Variants in PCDHB7 observed in about 807,000 individuals in gnomAD.
PCDHB7 encodes protocadherin beta 7.
For synonymous variants in PCDHB7, 542 were observed against 463.1 expected (o/e 1.17, Z -2.19); for missense variants, 1,148 against 1,011.6 (o/e 1.13, Z -1.83).
In PCDHB7 at chr5:141,173,684, C is replaced by A. The variant is rs1753278197; in HGVS notation, c.849C>A (p.Tyr283Ter). The A allele has an allele frequency of 6.2e-7, 1 of 1,614,104 alleles. No individual in the cohort carries two copies. The highest frequency in any genetic ancestry group is 8.5e-7 in the Non-Finnish European group (1 of 1,180,000). The change falls in exon 1 of 1, where the codon TAC becomes TAA. Residue 283 changes from tyrosine to a stop codon, truncating the protein, a stop_gained. Transcript: ENST00000231137. LOFTEE classifies it low-confidence loss of function (END_TRUNC). Reference protein sequence around the residue: ...SNGEIAYAFSYATERILKTFQ... With the variant: ...SNGEIAYAFS Reference sequence around the variant, plus strand: ...GGGAAATAGCCTATGCATTTTCTTACGCCACTGAAAGAATTCTCAAAACGT... The same window carrying A: ...GGGAAATAGCCTATGCATTTTCTTAAGCCACTGAAAGAATTCTCAAAACGT...
chr5:141,173,123 T>C lies in PCDHB7; in HGVS notation c.288T>C (p.Cys96=). ...AGAAATTGGACCGAGAGGAACTGTG[T>C]GGCCCCAGAGAGCCCTGTGTGCTGC... The part of the protein sequence containing the change: ...LNEKLDREEL[C]GPREPCVLPF... Residue 96 remains cysteine (C), a synonymous_variant, in exon 1 of 1, where the codon TGT becomes TGC. Coordinates refer to ENST00000231137, the MANE Select transcript of PCDHB7 (RefSeq NM_018940.4). 1 of 1,614,234 alleles carries C rather than the reference T, an allele frequency of 6.2e-7. No individual in the cohort carries two copies. The highest frequency in any genetic ancestry group is 1.7e-5 in the Admixed American group (1 of 60,018).
At position 141,175,033 on chromosome 5, in the gene PCDHB7, A is replaced by G; in HGVS notation, c.2198A>G (p.His733Arg). The change falls in exon 1 of 1, where the codon CAT (histidine) becomes CGT (arginine). Residue 733 changes from histidine to arginine, a missense_variant. By Grantham distance (29) the His-to-Arg change is conservative. Coordinates refer to ENST00000231137, the MANE Select transcript of PCDHB7 (RefSeq NM_018940.4). ...GTGCCTGAGGGCCCCTTTCCACGAC[A>G]TCTGGTGGACTTGAGCGGCACCGGG... ...CSVPEGPFPR[H>R]LVDLSGTGTL... 5.6e-6 allele frequency: 9 copies of G among 1,614,036 alleles called. No homozygotes were observed. The highest frequency in any genetic ancestry group is 7.6e-6 in the Non-Finnish European group (9 of 1,179,954).
chr5:141,173,537 C>T lies in PCDHB7; in HGVS notation c.702C>T (p.Asp234=), dbSNP rs1554280021. Residue 234 remains aspartate (D), a synonymous_variant, in exon 1 of 1, where the codon GAC becomes GAT. Transcript: ENST00000231137. ...GTALVRILVL[D]VNDNAPDFVR... ...CCCTCGTGCGCATTCTGGTTCTAGA[C>T]GTAAATGACAACGCCCCTGATTTTG... 3.1e-6 allele frequency: 5 copies of T among 1,613,592 alleles called. No individual in the cohort carries two copies. The highest frequency in any genetic ancestry group is 4.2e-6 in the Non-Finnish European group (5 of 1,179,726).
Position 141,174,002 on chromosome 5 carries a change from C to A in PCDHB7, c.1167C>A (p.Val389=). ...GKTVCSIQDD[V]PFILKPSVEN... ...CAGTGTGCTCCATCCAGGACGATGT[C>A]CCCTTCATCCTGAAGCCATCTGTCG... is the stretch of plus-strand genomic sequence containing the variant. Residue 389 remains valine, a synonymous_variant, in exon 1 of 1, where the codon GTC becomes GTA. Coordinates refer to ENST00000231137, the MANE Select transcript of PCDHB7 (RefSeq NM_018940.4). 1 of 1,614,116 alleles carries A rather than the reference C, an allele frequency of 6.2e-7. No individual in the cohort carries two copies.
chr5:141,174,369 C>T lies in PCDHB7; in HGVS notation c.1534C>T (p.His512Tyr). 1.2e-6 allele frequency: 2 copies of T among 1,612,784 alleles called. No individual in the cohort carries two copies. The highest frequency in any genetic ancestry group is 1.7e-5 in the Admixed American group (1 of 59,910). ...GGTCTCCATCAACGCGGACAACGGCCACCTGTTTGCCCTCAGGTCCCTGGA... is the reference window on the plus strand; with the variant it reads ...GGTCTCCATCAACGCGGACAACGGCTACCTGTTTGCCCTCAGGTCCCTGGA... ...SLVSINADNG[H>Y]LFALRSLDYE... Residue 512 changes from histidine to tyrosine, a missense_variant, in exon 1 of 1, where the codon CAC becomes TAC. Transcript: ENST00000231137.
rs782219371 is a variant in PCDHB7 at position 141,174,026 on chromosome 5, C to T, written c.1191C>T (p.Val397=). ...TCCCCTTCATCCTGAAGCCATCTGT[C>T]GAAAACTTCTATACTCTGGTAACAG... ...DDVPFILKPS[V]ENFYTLVTEK... is the part of the protein sequence containing the mutation. Residue 397 remains valine, a synonymous_variant, in exon 1 of 1, where the codon GTC becomes GTT. Transcript: ENST00000231137. 3.1e-6 allele frequency: 5 copies of T among 1,614,142 alleles called. No individual in the cohort carries two copies. Among genetic ancestry groups the T allele is most frequent in the South Asian group, 1.1e-5 (1 of 91,080 alleles).
Position 141,172,925 on chromosome 5 carries a change from G to C in PCDHB7, c.90G>C (p.Pro30=). The C allele has an allele frequency of 6.2e-7, 1 of 1,614,164 alleles. No homozygotes were observed. The change falls in exon 1 of 1, where the codon CCG becomes CCC. Residue 30 remains proline, a synonymous_variant. Coordinates refer to ENST00000231137, the MANE Select transcript of PCDHB7 (RefSeq NM_018940.4). ...FLGMSWAGAE[P]LRYFVAEETE... is the part of the protein sequence containing the mutation. ...GAATGTCTTGGGCTGGCGCCGAACC[G>C]CTTCGGTATTTTGTGGCGGAGGAAA...
rs77776247 is a variant in PCDHB7, at chr5:141,173,483, C to T, written c.648C>T (p.Asp216=). The change falls in exon 1 of 1, where the codon GAC becomes GAT. Residue 216 remains aspartate (D), a synonymous_variant. Transcript: ENST00000231137. ...TCAGTTTAACCCTCACCGCTTTAGA[C>T]GGCGGCTCTCCTCCAAGATCAGGGA... ...PEFSLTLTAL[D]GGSPPRSGTA... is the part of the protein sequence containing the mutation. 9.4e-4 allele frequency: 1,511 copies of T among 1,614,186 alleles called. 10 individuals carry two copies. The African/African-American group carries it at 0.017, about 18-fold the overall frequency.
At position 141,174,158 on chromosome 5, in the gene PCDHB7, C is replaced by T; in HGVS notation, c.1323C>T (p.Val441=). 1.2e-6 allele frequency: 2 copies of T among 1,613,904 alleles called. No individual in the cohort carries two copies. Among genetic ancestry groups the T allele is most frequent in the Non-Finnish European group, 8.5e-7 (1 of 1,180,040 alleles). The change falls in exon 1 of 1, where the codon GTC becomes GTT. Residue 441 remains valine, a synonymous_variant. Transcript: ENST00000231137. The part of the protein sequence containing the change: ...LKTEHNITVL[V]SDVNDNAPAF... The stretch of plus-strand genomic sequence containing the variant: ...CCGAGCACAACATAACCGTGCTGGT[C>T]TCCGACGTCAATGACAACGCTCCCG...
chr5:141,172,784 G>A lies in PCDHB7; in HGVS notation c.-52G>A. 2 of 1,459,564 alleles carry A rather than the reference G, an allele frequency of 1.4e-6. No homozygotes were observed. Among genetic ancestry groups the A allele is most frequent in the Non-Finnish European group, 1.9e-6 (2 of 1,060,792 alleles). The allele number at this position is 1,459,564 out of a possible 1,614,324, so 90.4% of individuals were successfully genotyped here. On this transcript the variant is annotated 5_prime_UTR_variant, in exon 1 of 1. Transcript: ENST00000231137. ...AGGATTCCGCTGCTGCCATTTGTGA[G>A]AGCCGCTGGAGGCTGAGTGAAAGTC...
chr5:141,173,959 C>A lies in PCDHB7; in HGVS notation c.1124C>A (p.Ser375Tyr). 1 of 1,613,772 alleles carries A rather than the reference C, an allele frequency of 6.2e-7. No homozygotes were observed. The highest frequency in any genetic ancestry group is 8.5e-7 in the Non-Finnish European group (1 of 1,179,738). Reference protein sequence around the residue: ...VAVFRIRDRDSGNNGKTVCSI... With the variant: ...VAVFRIRDRDYGNNGKTVCSI... The stretch of plus-strand genomic sequence containing the variant: ...GTTTTTAGGATTAGAGACAGAGATT[C>A]CGGGAACAATGGAAAGACAGTGTGC... The change falls in exon 1 of 1, where the codon TCC becomes TAC. Residue 375 changes from serine (S) to tyrosine (Y), a missense_variant. Ser to Tyr is a moderately radical substitution (Grantham distance 144). Transcript: ENST00000231137.
chr5:141,173,915 A>G lies in PCDHB7; in HGVS notation c.1080A>G (p.Ser360=), dbSNP rs1351613088. The change falls in exon 1 of 1, where the codon TCA becomes TCG. Residue 360 remains serine (S), a synonymous_variant. Transcript: ENST00000231137. The part of the protein sequence containing the change: ...SSLTSPIAEN[S]PETVVAVFRI... ...TTACTAGCCCAATTGCAGAAAACTC[A>G]CCCGAGACAGTCGTGGCTGTTTTTA... The G allele has an allele frequency of 6.2e-7, 1 of 1,612,202 alleles. No individual in the cohort carries two copies. Among genetic ancestry groups the G allele is most frequent in the African/African-American group, 1.3e-5 (1 of 74,788 alleles).
In PCDHB7 at chr5:141,173,719, A is replaced by G. The variant is rs1485149380; in HGVS notation, c.884A>G (p.Asn295Ser). 5 of 1,613,886 alleles carry G rather than the reference A, an allele frequency of 3.1e-6. No individual in the cohort carries two copies. The highest frequency in any genetic ancestry group is 2.7e-5 in the African/African-American group (2 of 74,946). ...TERILKTFQI[N>S]PTSGSLHLKA... The stretch of plus-strand genomic sequence containing the variant: ...AGAATTCTCAAAACGTTTCAAATCA[A>G]TCCAACATCTGGCAGTCTTCATCTT... Residue 295 changes from asparagine to serine, a missense_variant, in exon 1 of 1, where the codon AAT (asparagine) becomes AGT (serine). Physicochemically the swap from Asn to Ser is conservative, Grantham distance 46. Coordinates refer to ENST00000231137, the MANE Select transcript of PCDHB7 (RefSeq NM_018940.4).
rs564732196 is a variant in PCDHB7, at chr5:141,174,294, A to T, written c.1459A>T (p.Ile487Phe). 1.2e-6 allele frequency: 2 copies of T among 1,612,476 alleles called. No individual in the cohort carries two copies. The highest frequency in any genetic ancestry group is 1.7e-6 in the Non-Finnish European group (2 of 1,179,604). Residue 487 changes from isoleucine to phenylalanine, a missense_variant, in exon 1 of 1, where the codon ATC (isoleucine) becomes TTC (phenylalanine). By Grantham distance (21) the Ile-to-Phe change is conservative. Coordinates refer to ENST00000231137, the MANE Select transcript of PCDHB7 (RefSeq NM_018940.4). ...AGACTCGGGCACCAACGCCCAGGTCATCTACTCCCTGCTGCCGTCCCAGGA... is the reference window on the plus strand; with the variant it reads ...AGACTCGGGCACCAACGCCCAGGTCTTCTACTCCCTGCTGCCGTCCCAGGA... ...DRDSGTNAQV[I>F]YSLLPSQDPH...
chr5:141,173,582 G>A lies in PCDHB7; in HGVS notation c.747G>A (p.Val249=). The change falls in exon 1 of 1, where the codon GTG becomes GTA. Residue 249 remains valine (V), a synonymous_variant. Coordinates refer to ENST00000231137, the MANE Select transcript of PCDHB7 (RefSeq NM_018940.4). ...APDFVRSLYK[V]QVPENSPVGS... is the part of the protein sequence containing the mutation. ...ATTTTGTGCGGTCGCTCTACAAGGTGCAGGTGCCCGAAAATAGCCCCGTTG... is the reference window on the plus strand; with the variant it reads ...ATTTTGTGCGGTCGCTCTACAAGGTACAGGTGCCCGAAAATAGCCCCGTTG... The A allele has an allele frequency of 1.2e-6, 2 of 1,614,120 alleles. No individual in the cohort carries two copies. The highest frequency in any genetic ancestry group is 1.7e-6 in the Non-Finnish European group (2 of 1,180,034).
rs782277575 is a variant in PCDHB7 at position 141,175,157 on chromosome 5, C to G, written c.2322C>G (p.Pro774=). ...FLKPIIPNLL[P]QSTGREVEEN... ...AACCAATTATCCCCAACCTGCTACC[C>G]CAGAGCACAGGCAGGGAAGTGGAAG... The change falls in exon 1 of 1, where the codon CCC becomes CCG. Residue 774 remains proline, a synonymous_variant. Transcript: ENST00000231137. 3 of 1,613,924 alleles carry G rather than the reference C, an allele frequency of 1.9e-6. No individual in the cohort carries two copies. Among genetic ancestry groups the G allele is most frequent in the African/African-American group, 2.7e-5 (2 of 74,924 alleles).
chr5:141,174,567 C>G lies in PCDHB7; in HGVS notation c.1732C>G (p.Arg578Gly). The change falls in exon 1 of 1, where the codon CGG (arginine) becomes GGG (glycine). Residue 578 changes from arginine to glycine, a missense_variant. Transcript: ENST00000231137. ...CGCGCCCTGCACCGAGCCGTTGCCC[C>G]GGGCGGCCGAGCCGGGCTACCTGGT... Reference protein sequence around the residue: ...SSAPCTEPLPRAAEPGYLVTK... With the variant: ...SSAPCTEPLPGAAEPGYLVTK... The G allele has an allele frequency of 6.2e-7, 1 of 1,610,270 alleles. No homozygotes were observed. Among genetic ancestry groups the G allele is most frequent in the Non-Finnish European group, 8.5e-7 (1 of 1,179,638 alleles).
rs3733695 is a variant in PCDHB7, at chr5:141,174,083, G to A, written c.1248G>A (p.Glu416=). The A allele has an allele frequency of 0.16, 263,848 of 1,613,986 alleles. 23,034 individuals are homozygous for A. The highest frequency in any genetic ancestry group is 0.24 in the African/African-American group (18,095 of 74,978). The stretch of plus-strand genomic sequence containing the variant: ...CTTTGGATCGAGAGAGGAACACTGA[G>A]TACAACATCACCATCACCGTCACCG... The part of the protein sequence containing the change: ...EKPLDRERNT[E]YNITITVTDL... Residue 416 remains glutamate (E), a synonymous_variant, in exon 1 of 1, where the codon GAG becomes GAA. Coordinates refer to ENST00000231137, the MANE Select transcript of PCDHB7 (RefSeq NM_018940.4).
chr5:141,175,471 AG>A lies in PCDHB7; in HGVS notation c.*255del, dbSNP rs1378395724. On this transcript the variant is annotated 3_prime_UTR_variant, in exon 1 of 1. Transcript: ENST00000231137. ...GTCTATTAAATGTAAGTCTTGTTTG[AG>A]ATATTTTAAATTGCTTTCCATTGTT... is the stretch of plus-strand genomic sequence containing the variant. 4 of 516,406 alleles carry A rather than the reference AG, an allele frequency of 7.7e-6. No individual in the cohort carries two copies. Among genetic ancestry groups the A allele is most frequent in the Non-Finnish European group, 1.3e-5 (4 of 306,272 alleles). The allele number at this position is 516,406 out of a possible 1,614,324, so 32.0% of individuals were successfully genotyped here.
Sources: allele counts gnomAD v4.1 joint callset, GRCh38; gene constraint gnomAD v4.1.1; transcripts MANE v1.5; gene names NCBI Gene and HGNC (gene_info 2026-07-23, HGNC 2026-07-21).